The following GALNT16 variants were observed in gnomAD, a reference collection of about 807,000 sequenced individuals.
GALNT16 encodes the protein UDP-GalNAc:polypeptide N-acetylgalactosaminyltransferase-like protein 1.
In GALNT16, 40 loss-of-function variants were observed where a neutral mutation model predicts 76.1. The ratio of observed to expected loss-of-function variants is 0.53; its 90% CI spans 0.41 to 0.68. The LOEUF is 0.68. Ranked by LOEUF, GALNT16 falls within the 30% of genes least tolerant of loss-of-function variation. The pLI, the probability that GALNT16 is intolerant of heterozygous loss-of-function variation, is 0.00. For synonymous variants in GALNT16, 276 were observed against 285.2 expected (o/e 0.97, Z 0.32); for missense variants, 621 against 731.9 (o/e 0.85, Z 1.75).
At chr14:69,359,405 C>T (rs1356162660), downstream of GALNT16, 2 of 152,234 alleles carry the variant, frequency 1.3e-5, no homozygotes, top group Non-Finnish European at 2.9e-5. Flanking sequence ...GCAATATACA[C>T]TTGTCCATTT....
rs2044634616 is a variant in GALNT16 at position 69,287,839 on chromosome 14, C to T, written c.177+27372C>T. Reference sequence around the variant, plus strand: ...GCTGCCTCTGAGTGAGATACGCTAACCAAAAATCCTAACTGCAGGGCCCAA... The same window carrying T: ...GCTGCCTCTGAGTGAGATACGCTAATCAAAAATCCTAACTGCAGGGCCCAA... On this transcript the variant is annotated intron_variant, in intron 1 of 14. Coordinates refer to ENST00000448469, the MANE Select transcript of GALNT16 (RefSeq NM_001168368.2). Among the ~76,000 whole-genome samples, 4 of 152,232 alleles carry T rather than the reference C, an allele frequency of 2.6e-5. No individual in the cohort carries two copies. The South Asian group carries it at 8.3e-4, about 32-fold the overall frequency.
chr14:69,301,264 G>A (rs994543697), intron 1 of GALNT16, among the ~76,000 whole-genome samples: 1 of 152,176 alleles, frequency 6.6e-6, no homozygotes, highest in Non-Finnish European at 1.5e-5. Flanking sequence ...TTTTAACAGG[G>A]TCTCAGCAGG....
At chr14:69,276,533 T>G (rs558183112) in intron 1 of GALNT16, among the ~76,000 whole-genome samples, 52 of 152,180 alleles carry the variant, frequency 3.4e-4, no homozygotes, top group African/African-American at 1.2e-3. Flanking sequence ...ATACAAAAAT[T>G]AGCTGGGTGT....
At chr14:69,380,631 A>T in the GALNT16 span, 1 of 1,605,830 alleles carries the variant, frequency 6.2e-7, no homozygotes, top group Non-Finnish European at 8.5e-7. Context: ...TCTGGGTATC[A>T]GCTCGGTAAC....
intron 1 of GALNT16, among the ~76,000 whole-genome samples, chr14:69,316,110 TG>T (rs1394770552): frequency 1.3e-5 from 2 of 152,118 alleles, no homozygotes; most frequent in Non-Finnish European, 2.9e-5. Context: ...TGGTGGTGCT[TG>T]GGGTGTTGGT....
Position 69,352,150 on chromosome 14 carries a change from G to T in GALNT16, c.1659G>T (p.Gln553His). ...CTGACGCCCAGGCCCAGCAGTGGCA[G>T]CTGTTGCCACACACATGACGGTAGC... ...CQADAQAQQW[Q>H]LLPHT Residue 553 changes from glutamine (Q) to histidine (H), a missense_variant, in exon 15 of 15, where the codon CAG becomes CAT. Coordinates refer to ENST00000448469, the MANE Select transcript of GALNT16 (RefSeq NM_001168368.2). 1 of 1,612,032 alleles carries T rather than the reference G, an allele frequency of 6.2e-7. No homozygotes were observed.
Position 69,333,043 on chromosome 14 carries a change from G to A in GALNT16, c.779-42G>A. The A allele has an allele frequency of 7.7e-6, 11 of 1,433,988 alleles. No homozygotes were observed. The highest frequency in any genetic ancestry group is 5.6e-5 in the African/African-American group (4 of 71,796). 88.8% of individuals were successfully genotyped at this position (1,433,988 alleles called of 1,614,324 possible). ...GAGTGAAGGGTCTCAGCAGCCCGCA[G>A]CTCTGCCCTGAGCTCTGTCCTCACC... On this transcript the variant is annotated intron_variant, in intron 7 of 14. Transcript: ENST00000448469. This position sits in a 1 kb window ranked among gnomAD's most constrained non-coding sequence, Gnocchi z 4.2.
chr14:69,261,153 G>A lies in GALNT16; in HGVS notation c.177+686G>A, dbSNP rs994160906. On this transcript the variant is annotated intron_variant, in intron 1 of 14. Transcript: ENST00000448469. The surrounding 1 kb of genome is among the most constrained non-coding windows in gnomAD (Gnocchi z 6.4). ...AGCGCCCGAACTTGGCGATACCCTT[G>A]CATGAAGTCAGCCTCGCGACATCTA... Among the ~76,000 whole-genome samples, 7 of 152,266 alleles carry A rather than the reference G, an allele frequency of 4.6e-5. No homozygotes were observed. The East Asian group carries it at 1.4e-3, about 30-fold the overall frequency.
intron 1 of GALNT16, among the ~76,000 whole-genome samples, chr14:69,260,918 G>T (rs1009891309): frequency 6.6e-6 from 1 of 152,132 alleles, no homozygotes; most frequent in Non-Finnish European, 1.5e-5. Context: ...GGGGGCAGAG[G>T]ACATCGGGTG....
At chr14:69,373,237 AG>A in the GALNT16 span, among the ~76,000 whole-genome samples, 17 of 152,354 alleles carry the variant, frequency 1.1e-4, no homozygotes, top group East Asian at 3.3e-3. Flanking sequence ...AAATGCTTGT[AG>A]GTAAAGGTGG....
chr14:69,307,579 T>C (rs942130145), intron 1 of GALNT16, among the ~76,000 whole-genome samples: 4 of 152,096 alleles, frequency 2.6e-5, no homozygotes, highest in Non-Finnish European at 5.9e-5. Context: ...TTACCTCCTT[T>C]CCGCAGCTAC....
the GALNT16 span, among the ~76,000 whole-genome samples, chr14:69,371,245 T>C: frequency 1.3e-5 from 2 of 152,060 alleles, no homozygotes; most frequent in African/African-American, 2.4e-5. Flanking sequence ...TAGTATTGTA[T>C]TAATAGTAAT....
At chr14:69,314,180 T>C (rs141224311) in intron 1 of GALNT16, among the ~76,000 whole-genome samples, 347 of 152,380 alleles carry the variant, frequency 2.3e-3, no homozygotes, top group Middle Eastern at 6.8e-3. Flanking sequence ...ACAACGTATA[T>C]AATAATAGTT....
intron 1 of GALNT16, among the ~76,000 whole-genome samples, chr14:69,285,134 G>A (rs563622072): frequency 1.4e-5 from 2 of 145,448 alleles, no homozygotes; most frequent in African/African-American, 5.1e-5. Flanking sequence ...TCCGCCTCCC[G>A]GGTTCACACC....
rs541937872 is a variant in GALNT16, at chr14:69,310,719, G to A, written c.178-9992G>A. On this transcript the variant is annotated intron_variant, in intron 1 of 14. Transcript: ENST00000448469. Reference sequence around the variant, plus strand: ...TCTGATGGAATGAAACTGCCTTTATGGCATCCCAGAAGTAATCAAAAGGGT... The same window carrying A: ...TCTGATGGAATGAAACTGCCTTTATAGCATCCCAGAAGTAATCAAAAGGGT... 2.0e-5 allele frequency among the ~76,000 whole-genome samples: 3 copies of A among 152,166 alleles called. No homozygotes were observed. In the East Asian group the frequency reaches 5.8e-4, roughly 29 times the overall value.
At chr14:69,342,520 A>AGG (rs2045506308) in intron 12 of GALNT16, among the ~76,000 whole-genome samples, 1 of 80,340 alleles carries the variant, frequency 1.2e-5, no homozygotes, top group Non-Finnish European at 3.1e-5. Flanking sequence ...AAGGAAGGGG[A>AGG]GAGGGAGAGG....
Position 69,260,389 on chromosome 14 carries a change from A to G in GALNT16, c.99A>G (p.Ala33=). 1 of 1,609,184 alleles carries G rather than the reference A, an allele frequency of 6.2e-7. No homozygotes were observed. Among genetic ancestry groups the G allele is most frequent in the Non-Finnish European group, 8.5e-7 (1 of 1,177,884 alleles). ...GGCAGGACAACCGAGCCCACGCAGC[A>G]TCCTCCGGCGGCCGGGGCGCGCAGA... ...YLWQDNRAHA[A]SSGGRGAQRA... is the part of the protein sequence containing the mutation. Residue 33 remains alanine, a synonymous_variant, in exon 1 of 15, where the codon GCA becomes GCG. Coordinates refer to ENST00000448469, the MANE Select transcript of GALNT16 (RefSeq NM_001168368.2).
the GALNT16 span, among the ~76,000 whole-genome samples, chr14:69,383,511 T>C: frequency 6.6e-6 from 1 of 152,230 alleles, no homozygotes; most frequent in African/African-American, 2.4e-5. Context: ...CTCCTGAATA[T>C]TCAAAGAACA....
chr14:69,297,239 G>A (rs1594830715), intron 1 of GALNT16, among the ~76,000 whole-genome samples: 3 of 152,180 alleles, frequency 2.0e-5, no homozygotes, highest in South Asian at 2.1e-4. Context: ...CGGTCGTATC[G>A]ATTGACACTC....
Sources: gnomAD v4.1 joint callset for allele counts (sites outside exome capture counted in the v4.1 genomes callset) on GRCh38, gnomAD v4.1.1 for gene constraint, Gnocchi (gnomAD v3.1) non-coding constraint, MANE v1.5 for transcripts, NCBI Gene and HGNC (gene_info 2026-07-23, HGNC 2026-07-21) for gene names.